The following FOXP1 variants were observed in gnomAD, a reference collection of about 807,000 sequenced individuals.
FOXP1 encodes forkhead box P1.
FOXP1 carries 15 observed loss-of-function variants against 98.2 expected under a neutral mutation model. That is an observed-to-expected ratio of 0.15 (90% CI 0.10 to 0.24). The LOEUF is 0.24. Ranked by LOEUF, FOXP1 falls within the 10% of genes least tolerant of loss-of-function variation. FOXP1 has a pLI of 1.00. For missense variants in FOXP1, 633 were observed against 848.5 expected, an observed-to-expected ratio of 0.75 and a Z score of 3.15; for synonymous variants, 371 against 314.5, an observed-to-expected ratio of 1.18 and a Z score of -1.90.
chr3:71,449,714 C>T (rs536762456), intron 3 of FOXP1, among the ~76,000 whole-genome samples: 1 of 152,276 alleles, frequency 6.6e-6, no homozygotes, highest in East Asian at 1.9e-4. Flanking sequence ...GAAAGGGGTG[C>T]AATGTAAAAT....
rs184782651 is a variant in FOXP1 at position 71,299,826 on chromosome 3, T to A, written c.-18A>T. 6.5e-6 allele frequency: 1 copy of A among 152,804 alleles called. No homozygotes were observed. Among genetic ancestry groups the A allele is most frequent in the East Asian group, 1.9e-4 (1 of 5,190 alleles). 9.5% of individuals were successfully genotyped at this position (152,804 alleles called of 1,614,324 possible). ...TAATCACATTTGCATTTACCTTTTT[T>A]GGCTTCTGTAAAGCAATCTTCAGTT... On this transcript the variant is annotated 5_prime_UTR_variant, in exon 5 of 21. Coordinates refer to ENST00000649528, the MANE Select transcript of FOXP1 (RefSeq NM_001349338.3).
chr3:71,485,282 A>C (rs1367272793), intron 3 of FOXP1, among the ~76,000 whole-genome samples: 1 of 152,172 alleles, frequency 6.6e-6, no homozygotes, highest in African/African-American at 2.4e-5. Flanking sequence ...AAAGTGGTCA[A>C]AAATATTTAA....
chr3:71,513,090 C>A (rs2042315638), intron 2 of FOXP1, among the ~76,000 whole-genome samples: 1 of 152,156 alleles, frequency 6.6e-6, no homozygotes, highest in South Asian at 2.1e-4. Flanking sequence ...CTGGCCCATA[C>A]CTCTTTCCTT....
chr3:71,141,837 T>G (rs145489360), intron 6 of FOXP1, among the ~76,000 whole-genome samples: 96 of 152,004 alleles, frequency 6.3e-4, no homozygotes, highest in African/African-American at 2.2e-3. Flanking sequence ...GATAAGTCCA[T>G]CAAGGAATTC....
intron 11 of FOXP1, among the ~76,000 whole-genome samples, chr3:71,030,612 G>C (rs2046737121): frequency 6.6e-6 from 1 of 152,246 alleles, no homozygotes; most frequent in Non-Finnish European, 1.5e-5. Flanking sequence ...CCTGTGGTTT[G>C]AGCTTGGTAA....
At chr3:71,252,593 G>C (rs1438911134) in intron 5 of FOXP1, among the ~76,000 whole-genome samples, 1 of 152,196 alleles carries the variant, frequency 6.6e-6, no homozygotes, top group Non-Finnish European at 1.5e-5. Context: ...GGCCCCCTGA[G>C]TGCCAACTTC....
intron 6 of FOXP1, among the ~76,000 whole-genome samples, chr3:71,123,104 G>A (rs769391059): frequency 5.2e-4 from 79 of 152,126 alleles, no homozygotes; most frequent in Admixed American, 8.5e-4. Context: ...TGCCCTCCCT[G>A]TTCTCTGCCC....
intron 2 of FOXP1, among the ~76,000 whole-genome samples, chr3:71,573,324 C>T (rs1384602887): frequency 1.3e-5 from 2 of 152,094 alleles, no homozygotes; most frequent in Non-Finnish European, 2.9e-5. Flanking sequence ...TGAACTTTCG[C>T]CAGGTGGAGA....
chr3:71,116,316 T>G (rs1161067814), intron 6 of FOXP1, among the ~76,000 whole-genome samples: 1 of 151,984 alleles, frequency 6.6e-6, no homozygotes, highest in African/African-American at 2.4e-5. Context: ...AGAGGCCCAC[T>G]AAAGATGATA....
At chr3:71,476,462 A>G (rs2089853086) in intron 3 of FOXP1, among the ~76,000 whole-genome samples, 1 of 151,956 alleles carries the variant, frequency 6.6e-6, no homozygotes, top group African/African-American at 2.4e-5. Flanking sequence ...GTGCAGTTAC[A>G]CATCAGTTAT....
intron 6 of FOXP1, among the ~76,000 whole-genome samples, chr3:71,186,247 A>G (rs1187870554): frequency 6.6e-6 from 1 of 152,190 alleles, no homozygotes; most frequent in Non-Finnish European, 1.5e-5. Flanking sequence ...AGTGAGTCCA[A>G]CCTCCATTTC....
intron 2 of FOXP1, among the ~76,000 whole-genome samples, chr3:71,564,755 G>A (rs1399821401): frequency 6.6e-6 from 1 of 152,244 alleles, no homozygotes; most frequent in African/African-American, 2.4e-5. Flanking sequence ...TGGACGGGCA[G>A]ACAATCATTT....
intron 3 of FOXP1, among the ~76,000 whole-genome samples, chr3:71,408,931 C>A (rs1009406777): frequency 3.3e-5 from 5 of 152,174 alleles, no homozygotes; most frequent in Non-Finnish European, 7.3e-5. Flanking sequence ...ATCTTTGGAA[C>A]CAGAAATGCC....
intron 3 of FOXP1, among the ~76,000 whole-genome samples, chr3:71,465,826 G>A (rs562776763): frequency 3.9e-5 from 6 of 152,290 alleles, no homozygotes; most frequent in African/African-American, 7.2e-5. Flanking sequence ...CCTGAGCTCC[G>A]CCTCCTGTCA....
chr3:71,574,871 CCT>C (rs2047609553), intron 2 of FOXP1, among the ~76,000 whole-genome samples: 1 of 152,184 alleles, frequency 6.6e-6, no homozygotes, highest in African/African-American at 2.4e-5. Context: ...TCTTGTTCTG[CCT>C]CTGTTTCTCT....
At chr3:71,285,384 A>AC (rs2072005654) in intron 5 of FOXP1, among the ~76,000 whole-genome samples, 1 of 152,150 alleles carries the variant, frequency 6.6e-6, no homozygotes, top group Non-Finnish European at 1.5e-5. Flanking sequence ...GATAATTCTA[A>AC]CTTTATACAT....
intron 7 of FOXP1, among the ~76,000 whole-genome samples, chr3:71,055,700 C>T (rs2050527500): frequency 6.6e-6 from 1 of 152,152 alleles, no homozygotes; most frequent in African/African-American, 2.4e-5. Flanking sequence ...CTTTTGGGTG[C>T]CAATCGGTAT....
At chr3:71,422,969 A>G (rs894853899) in intron 3 of FOXP1, among the ~76,000 whole-genome samples, 3 of 152,108 alleles carry the variant, frequency 2.0e-5, no homozygotes, top group Non-Finnish European at 4.4e-5. Flanking sequence ...ACAAGTCAAG[A>G]TTTCCTTGGA....
At position 70,956,421 on chromosome 3, in the gene FOXP1, T is replaced by C. The variant is rs537308827; in HGVS notation, c.*2826A>G. On this transcript the variant is annotated 3_prime_UTR_variant, in exon 21 of 21. Transcript: ENST00000649528. Reference sequence around the variant, plus strand: ...TATGTAAAATCTAATTTTTCTTTTTTTTTTTTTTTTGCTACAGTCTTTAGA... The same window carrying C: ...TATGTAAAATCTAATTTTTCTTTTTCTTTTTTTTTTGCTACAGTCTTTAGA... 3.1e-3 allele frequency: 722 copies of C among 230,232 alleles called. 4 individuals are homozygous for C. Among genetic ancestry groups the C allele is most frequent in the Non-Finnish European group, 3.5e-3 (409 of 115,952 alleles). The allele number at this position is 230,232 out of a possible 1,614,324, so 14.3% of individuals were successfully genotyped here.
Sources: allele counts gnomAD v4.1 joint callset (sites outside exome capture counted in the v4.1 genomes callset), GRCh38; gene constraint gnomAD v4.1.1; transcripts MANE v1.5; gene names NCBI Gene and HGNC (gene_info 2026-07-23, HGNC 2026-07-21).